Variants in TENM3 observed in about 807,000 individuals in gnomAD.
TENM3 encodes teneurin transmembrane protein 3.
TENM3 carries 63 observed loss-of-function variants against 255.1 expected under a neutral mutation model. The observed-to-expected ratio is 0.25, with a 90% confidence interval of 0.20 to 0.30. The LOEUF (loss-of-function observed/expected upper bound fraction) is 0.30. Ranked by LOEUF, TENM3 falls within the 10% of genes least tolerant of loss-of-function variation. The pLI is 1.00. For synonymous variants in TENM3, 1,306 were observed against 1,322.3 expected (o/e 0.99, Z 0.27); for missense variants, 2,929 against 3,461.1 (o/e 0.85, Z 3.86).
the TENM3 span, among the ~76,000 whole-genome samples, chr4:181,741,352 T>C: frequency 1.7e-4 from 26 of 152,318 alleles, 1 homozygote; most frequent in Admixed American, 1.6e-3. Flanking sequence ...TCTATGAAAT[T>C]ATGCTTGAGA....
the TENM3 span, among the ~76,000 whole-genome samples, chr4:181,571,349 T>TA: frequency 5.9e-5 from 9 of 152,126 alleles, no homozygotes; most frequent in Non-Finnish European, 1.2e-4. Context: ...CTTATATATA[T>TA]TTTTAAAGAC....
chr4:182,094,699 G>A, the TENM3 span, among the ~76,000 whole-genome samples: 1 of 152,176 alleles, frequency 6.6e-6, no homozygotes, highest in Admixed American at 6.5e-5. Context: ...CTAGAAAGAT[G>A]TGTCCTCGAA....
intron 3 of TENM3, among the ~76,000 whole-genome samples, chr4:182,385,305 C>T (rs1231569845): frequency 2.3e-5 from 3 of 128,732 alleles, no homozygotes; most frequent in Non-Finnish European, 4.7e-5. Flanking sequence ...CGCTCTGTCA[C>T]TCACACTGGA....
the TENM3 span, among the ~76,000 whole-genome samples, chr4:181,644,772 C>A: frequency 6.6e-6 from 1 of 152,090 alleles, no homozygotes; most frequent in African/African-American, 2.4e-5. Flanking sequence ...ACTGACTCCA[C>A]CAGAAAGACT....
At chr4:182,720,183 T>C (rs1361798549) in intron 13 of TENM3, among the ~76,000 whole-genome samples, 1 of 152,050 alleles carries the variant, frequency 6.6e-6, no homozygotes, top group Non-Finnish European at 1.5e-5. Flanking sequence ...AGAATGAGTA[T>C]AATGAATGGA....
the TENM3 span, among the ~76,000 whole-genome samples, chr4:181,484,170 A>T: frequency 6.6e-6 from 1 of 152,126 alleles, no homozygotes; most frequent in East Asian, 1.9e-4. Flanking sequence ...CTGATTTCAT[A>T]CTGTGCTTTA....
chr4:181,645,390 T>C, the TENM3 span, among the ~76,000 whole-genome samples: 1,328 of 152,288 alleles, frequency 8.7e-3, 24 homozygotes, highest in African/African-American at 0.03. Flanking sequence ...TCCTGGGAAC[T>C]CAGGAGGAGG....
At chr4:181,859,730 G>A in the TENM3 span, among the ~76,000 whole-genome samples, 1 of 152,032 alleles carries the variant, frequency 6.6e-6, no homozygotes, top group Non-Finnish European at 1.5e-5. Context: ...CTTTTTAAAA[G>A]CTTGAATTGC....
Position 182,792,250 on chromosome 4 carries a change from T to TAAC in TENM3, c.5602-22_5602-20dup, listed in dbSNP as rs1264436222. On this transcript the variant is annotated intron_variant, in intron 25 of 27. Coordinates refer to ENST00000511685, the MANE Select transcript of TENM3 (RefSeq NM_001080477.4). This position sits in a 1 kb window ranked among gnomAD's most constrained non-coding sequence, Gnocchi z 6.3. ...GCATCTCCCGTTCACAAACACTGAG[T>TAAC]AACAGTATGTTCTCTCTTTACAGTC... 6.3e-7 allele frequency: 1 copy of TAAC among 1,594,080 alleles called. No individual in the cohort carries two copies. The highest frequency in any genetic ancestry group is 1.3e-5 in the African/African-American group (1 of 74,422).
At chr4:181,991,462 ACACACAGG>A in the TENM3 span, among the ~76,000 whole-genome samples, 5 of 152,128 alleles carry the variant, frequency 3.3e-5, no homozygotes, top group African/African-American at 1.2e-4. Context: ...TGCCTGAATG[ACACACAGG>A]CTTAATCGGG....
chr4:182,495,014 A>G (rs1442810908), intron 3 of TENM3, among the ~76,000 whole-genome samples: 1 of 152,194 alleles, frequency 6.6e-6, no homozygotes, highest in Non-Finnish European at 1.5e-5. Flanking sequence ...TATGCTCAGC[A>G]CTTTTTCATA....
intron 5 of TENM3, among the ~76,000 whole-genome samples, chr4:182,644,588 C>CT (rs1422429474): frequency 6.6e-6 from 1 of 152,034 alleles, no homozygotes; most frequent in Non-Finnish European, 1.5e-5. Flanking sequence ...TGTAATTTCT[C>CT]TCACTTTAAT....
At chr4:182,520,995 C>G (rs1738506072) in intron 3 of TENM3, among the ~76,000 whole-genome samples, 1 of 152,158 alleles carries the variant, frequency 6.6e-6, no homozygotes, top group Admixed American at 6.5e-5. Flanking sequence ...TGATGTGCTC[C>G]TTCTGTACAT....
chr4:181,904,737 C>T, the TENM3 span, among the ~76,000 whole-genome samples: 1 of 152,246 alleles, frequency 6.6e-6, no homozygotes, highest in Non-Finnish European at 1.5e-5. Flanking sequence ...AGAACCGTCT[C>T]TTTGTTCCAA....
intron 7 of TENM3, among the ~76,000 whole-genome samples, chr4:182,675,328 G>C (rs1755581066): frequency 6.6e-6 from 1 of 152,072 alleles, no homozygotes; most frequent in Non-Finnish European, 1.5e-5. Flanking sequence ...GATCACTTAA[G>C]GTCAGGAGTT....
chr4:181,712,416 G>A, the TENM3 span, among the ~76,000 whole-genome samples: 3,801 of 152,156 alleles, frequency 0.025, 137 homozygotes, highest in African/African-American at 0.086. Flanking sequence ...CACTCCTGCC[G>A]TTTGAGAGGT....
chr4:182,375,376 A>G (rs1336076935), intron 3 of TENM3, among the ~76,000 whole-genome samples: 1 of 152,184 alleles, frequency 6.6e-6, no homozygotes, highest in East Asian at 1.9e-4. Flanking sequence ...CGAAATGTCC[A>G]TGGAACTAGG....
intron 3 of TENM3, among the ~76,000 whole-genome samples, chr4:182,442,730 T>A (rs10000994): frequency 0.32 from 48,328 of 151,642 alleles, 8,103 homozygotes; most frequent in Middle Eastern, 0.41. Context: ...TAACTGGGAC[T>A]ACAGGCATAT....
At chr4:182,012,555 G>A in the TENM3 span, 1 of 152,198 alleles carries the variant, frequency 6.6e-6, no homozygotes, top group African/African-American at 2.4e-5. Context: ...ACTAAAGTCT[G>A]GAGAAACAAG....
Sources: gnomAD v4.1 joint callset for allele counts (sites outside exome capture counted in the v4.1 genomes callset) on GRCh38, gnomAD v4.1.1 for gene constraint, Gnocchi (gnomAD v3.1) non-coding constraint, MANE v1.5 for transcripts, NCBI Gene and HGNC (gene_info 2026-07-23, HGNC 2026-07-21) for gene names.